The following ABL1 variants were observed in gnomAD, a reference collection of about 807,000 sequenced individuals.
ABL1 encodes tyrosine-protein kinase ABL1.
Under a neutral mutation model 94.7 loss-of-function variants are expected in ABL1, and 11 were observed. The observed-to-expected ratio is 0.12, with a 90% CI of 0.07 to 0.19. ABL1 has a LOEUF of 0.19. ABL1 is among the 10% of genes least tolerant of loss of function. The probability of loss-of-function intolerance (pLI) is 1.00; values close to 1 mark genes in which losing one functional copy is unlikely to be tolerated. For synonymous variants in ABL1, 656 were observed against 622.4 expected (o/e 1.05, Z -0.80); for missense variants, 1,082 against 1,489.4 (o/e 0.73, Z 4.50).
In ABL1 at chr9:130,814,281, G is replaced by A. The variant is rs1048834002; in HGVS notation, c.137-39783G>A. Among the ~76,000 whole-genome samples, 11 of 140,292 alleles carry A rather than the reference G, an allele frequency of 7.8e-5. No homozygotes were observed. Among genetic ancestry groups the A allele is most frequent in the Non-Finnish European group, 1.2e-4 (8 of 66,454 alleles). The allele number at this position is 140,292 out of a possible 152,430, so 92.0% of individuals were successfully genotyped here. A position where few individuals can be genotyped will look rare whatever the true frequency, so the allele number is the denominator to read the frequency against. On this transcript the variant is annotated intron_variant, in intron 1 of 10. Transcript: ENST00000372348. This position sits in a 1 kb window ranked among gnomAD's most constrained non-coding sequence, Gnocchi z 4.4. ...CACCCTAGCGACAGAACGAGACTCC[G>A]TCTCAAAAAAAAAAGAAAGAAAGAA...
In ABL1 at chr9:130,870,504, C is replaced by T. The variant is rs1388417108; in HGVS notation, c.823-1625C>T. On this transcript the variant is annotated intron_variant, in intron 4 of 10. Transcript: ENST00000318560. ...AAGCAAGATTCTTAAAGCCCCAGTC[C>T]TATACGTGAGCAGCATTGAATCCCC... Among the ~76,000 whole-genome samples, 13 of 152,202 alleles carry T rather than the reference C, an allele frequency of 8.5e-5. 1 individual carries two copies. Among genetic ancestry groups the T allele is most frequent in the Admixed American group, 7.9e-4 (12 of 15,272 alleles).
At chr9:130,861,082 C>T (rs1231770360) in intron 3 of ABL1, among the ~76,000 whole-genome samples, 2 of 152,040 alleles carry the variant, frequency 1.3e-5, no homozygotes, top group Non-Finnish European at 2.9e-5. Flanking sequence ...GCTTCTCTTC[C>T]GTGCTCTCAA....
intron 1 of ABL1, among the ~76,000 whole-genome samples, chr9:130,797,996 C>G (rs893991773): frequency 5.3e-5 from 8 of 152,082 alleles, no homozygotes; most frequent in Non-Finnish European, 8.8e-5. Flanking sequence ...ATTTCTTCAG[C>G]AGGTCAGAAT....
intron 1 of ABL1, among the ~76,000 whole-genome samples, chr9:130,837,561 AAAG>A (rs2097008929): frequency 6.6e-6 from 1 of 152,170 alleles, no homozygotes; most frequent in South Asian, 2.1e-4. Context: ...AAAAAAAAAA[AAAG>A]TTCTAGTACA....
At chr9:130,765,271 G>A (rs1042108774) in intron 1 of ABL1, among the ~76,000 whole-genome samples, 1 of 152,120 alleles carries the variant, frequency 6.6e-6, no homozygotes, top group Non-Finnish European at 1.5e-5. Flanking sequence ...GGTACAAGGG[G>A]AGGCTTTGGT....
At chr9:130,812,650 A>C (rs1473161922) in intron 1 of ABL1, among the ~76,000 whole-genome samples, 1 of 152,246 alleles carries the variant, frequency 6.6e-6, no homozygotes, top group Non-Finnish European at 1.5e-5. Context: ...CTAAATGTTT[A>C]TGCATGTATT....
chr9:130,767,630 G>T (rs997236203), intron 1 of ABL1, among the ~76,000 whole-genome samples: 4 of 152,224 alleles, frequency 2.6e-5, no homozygotes, highest in African/African-American at 4.8e-5. Flanking sequence ...ACTGTGCCCG[G>T]CCTGACCTCA....
At chr9:130,723,165 C>T (rs1831537275) in intron 1 of ABL1, among the ~76,000 whole-genome samples, 1 of 152,166 alleles carries the variant, frequency 6.6e-6, no homozygotes, top group Non-Finnish European at 1.5e-5. Flanking sequence ...CTGCCCTGTG[C>T]CTCTGCAGTT....
intron 1 of ABL1, among the ~76,000 whole-genome samples, chr9:130,743,858 C>T (rs1225760137): frequency 6.6e-6 from 1 of 151,912 alleles, no homozygotes; most frequent in African/African-American, 2.4e-5. Context: ...GCCACATAGG[C>T]CCTATGTAGC....
At chr9:130,834,128 C>T (rs1202356489), upstream of ABL1, 1 of 455,010 alleles carries the variant, frequency 2.2e-6, no homozygotes, top group African/African-American at 2.0e-5. Flanking sequence ...GTTTTTAAAC[C>T]TGAAGAATTG....
At chr9:130,839,818 T>G (rs1830642999) in intron 1 of ABL1, among the ~76,000 whole-genome samples, 1 of 152,192 alleles carries the variant, frequency 6.6e-6, no homozygotes, top group Non-Finnish European at 1.5e-5. Context: ...TCTGAGATGC[T>G]CTTTAGTCCA....
chr9:130,737,792 T>G (rs1458207823), intron 1 of ABL1, among the ~76,000 whole-genome samples: 1 of 151,812 alleles, frequency 6.6e-6, no homozygotes, highest in African/African-American at 2.4e-5. Context: ...TTGCCCCCTT[T>G]GCCTGTGTGT....
rs116492048 is a variant in ABL1 at position 130,849,032 on chromosome 9, G to A, written c.80-5032G>A. ...TCACAGTTTGGTGAAATTCCTCCTC[G>A]TCTTCTATTTTTTCATAGTTGGGAC... On this transcript the variant is annotated intron_variant, in intron 1 of 10. Transcript: ENST00000318560. 7.2e-3 allele frequency among the ~76,000 whole-genome samples: 1,100 copies of A among 152,038 alleles called. 11 individuals carry two copies. Among genetic ancestry groups the A allele is most frequent in the African/African-American group, 0.024 (1,013 of 41,476 alleles).
intron 1 of ABL1, among the ~76,000 whole-genome samples, chr9:130,755,054 T>G (rs1242896315): frequency 6.6e-6 from 1 of 152,126 alleles, no homozygotes; most frequent in African/African-American, 2.4e-5. Flanking sequence ...CAGTAAGATA[T>G]TAGCACCATG....
intron 1 of ABL1, among the ~76,000 whole-genome samples, chr9:130,788,500 A>T (rs1234323386): frequency 1.3e-5 from 2 of 152,196 alleles, no homozygotes; most frequent in African/African-American, 4.8e-5. Context: ...TTTAACTTTG[A>T]TAGAATATTT....
In ABL1 at chr9:130,872,347, C is replaced by T. The variant is rs4740376; in HGVS notation, c.907+134C>T. 71,138 of 770,740 alleles carry T rather than the reference C, an allele frequency of 0.092. 3,779 individuals carry two copies. Among genetic ancestry groups the T allele is most frequent in the Admixed American group, 0.14 (5,612 of 39,298 alleles). 47.7% of individuals were successfully genotyped at this position (770,740 alleles called of 1,614,324 possible). On this transcript the variant is annotated intron_variant, in intron 5 of 10. Coordinates refer to ENST00000318560, the MANE Select transcript of ABL1 (RefSeq NM_005157.6). This position sits in a 1 kb window ranked among gnomAD's most constrained non-coding sequence, Gnocchi z 5.0. Reference sequence around the variant, plus strand: ...TATTTGTGCTCTGCCGACGTTCAGCCGCGGGTAAAATGAGGCCTGTATGGG... The same window carrying T: ...TATTTGTGCTCTGCCGACGTTCAGCTGCGGGTAAAATGAGGCCTGTATGGG...
At chr9:130,809,413 A>AGTGT (rs776751811) in intron 1 of ABL1, among the ~76,000 whole-genome samples, 30 of 112,610 alleles carry the variant, frequency 2.7e-4, no homozygotes, top group Non-Finnish European at 4.3e-4. Flanking sequence ...AGAGAGAGAG[A>AGTGT]GAGAGTGTGT....
chr9:130,724,898 G>C, intron 1 of ABL1: 1 of 404,848 alleles, frequency 2.5e-6, no homozygotes. Flanking sequence ...TTTTAGCCTT[G>C]GCACACCAGT....
At chr9:130,737,670 C>G (rs572487658) in intron 1 of ABL1, among the ~76,000 whole-genome samples, 1 of 152,106 alleles carries the variant, frequency 6.6e-6, no homozygotes, top group Non-Finnish European at 1.5e-5. Context: ...TTAAAGCCTG[C>G]TGAGCACCGA....
Sources: gnomAD v4.1 joint callset for allele counts (sites outside exome capture counted in the v4.1 genomes callset) on GRCh38, gnomAD v4.1.1 for gene constraint, Gnocchi (gnomAD v3.1) non-coding constraint, MANE v1.5 for transcripts, NCBI Gene and HGNC (gene_info 2026-07-23, HGNC 2026-07-21) for gene names.